The following SP4 variants were observed in gnomAD, a reference collection of about 807,000 sequenced individuals.
SP4 encodes the protein transcription factor Sp4.
In SP4, 19 loss-of-function variants were observed where a neutral mutation model predicts 72.8. The ratio of observed to expected loss-of-function variants is 0.26; its 90% CI spans 0.18 to 0.38. SP4 has a LOEUF of 0.38. Ranked by LOEUF, SP4 falls within the 10% of genes least tolerant of loss-of-function variation. The pLI, the probability that SP4 is intolerant of heterozygous loss-of-function variation, is 1.00. For synonymous variants in SP4, 395 were observed against 333.1 expected, an observed-to-expected ratio of 1.19 and a Z score of -2.02; for missense variants, 1,008 against 926.3, an observed-to-expected ratio of 1.09 and a Z score of -1.14.
At chr7:21,476,919 A>G (rs1784516326) in intron 3 of SP4, among the ~76,000 whole-genome samples, 160 bp from the exon 4 acceptor site, 1 of 152,192 alleles carries the variant, frequency 6.6e-6, no homozygotes, top group Admixed American at 6.5e-5. Context: ...AGAATACTAT[A>G]TTTTAGAAGG....
At chr7:21,494,809 A>G (rs1387447801) in intron 5 of SP4, among the ~76,000 whole-genome samples, 1 of 152,208 alleles carries the variant, frequency 6.6e-6, no homozygotes, top group Admixed American at 6.5e-5. Context: ...AGCAATTAGA[A>G]TAGCCAAAAC....
In SP4 at chr7:21,464,388, G is replaced by T. The variant is rs546406292; in HGVS notation, c.1679-12691G>T. ...TGGGATTACAGGCGTGAGCCACTGC[G>T]CCCGGCCAGTCAGGGCTCTCTTTCA... is the stretch of plus-strand genomic sequence containing the variant. On this transcript the variant is annotated intron_variant, in intron 3 of 5. Coordinates refer to ENST00000222584, the MANE Select transcript of SP4 (RefSeq NM_003112.5). 5.3e-5 allele frequency among the ~76,000 whole-genome samples: 8 copies of T among 151,954 alleles called. No homozygotes were observed. In the South Asian group the frequency reaches 1.2e-3, roughly 24 times the overall value.
At chr7:21,478,599 A>G (rs2128410126) in intron 4 of SP4, among the ~76,000 whole-genome samples, 1 of 152,252 alleles carries the variant, frequency 6.6e-6, no homozygotes, top group African/African-American at 2.4e-5. Context: ...TTTTGTTTTT[A>G]CTGATACTAA....
intron 3 of SP4, among the ~76,000 whole-genome samples, chr7:21,458,406 A>C (rs1233840457): frequency 6.6e-6 from 1 of 151,356 alleles, no homozygotes; most frequent in Non-Finnish European, 1.5e-5. Context: ...CTGGTCTTGA[A>C]CTCCTGACCT....
At position 21,477,325 on chromosome 7, in the gene SP4, C is replaced by T. The variant is rs1784531458; in HGVS notation, c.1907+18C>T. ...GAAGGAAGGTAAATGCTGTATTTTTCAACTGTGTCTATTTGGAAGGCATAA... is the reference window on the plus strand; with the variant it reads ...GAAGGAAGGTAAATGCTGTATTTTTTAACTGTGTCTATTTGGAAGGCATAA... On this transcript the variant is annotated intron_variant, in intron 4 of 5. Transcript: ENST00000222584. 2 of 1,542,422 alleles carry T rather than the reference C, an allele frequency of 1.3e-6. No individual in the cohort carries two copies. Among genetic ancestry groups the T allele is most frequent in the East Asian group, 2.2e-5 (1 of 44,470 alleles).
chr7:21,508,927 G>A (rs369244483), intron 5 of SP4, among the ~76,000 whole-genome samples: 2 of 151,562 alleles, frequency 1.3e-5, no homozygotes, highest in Admixed American at 1.3e-4. Flanking sequence ...TTAATGGATG[G>A]TGTTGCTTAT....
At chr7:21,470,675 T>G (rs757235132) in intron 3 of SP4, among the ~76,000 whole-genome samples, 3 of 151,562 alleles carry the variant, frequency 2.0e-5, no homozygotes, top group Non-Finnish European at 4.4e-5. Context: ...TGTTGAATAG[T>G]TAGCAATTCA....
intron 5 of SP4, among the ~76,000 whole-genome samples, chr7:21,487,227 C>G (rs1009045468): frequency 3.3e-5 from 5 of 152,094 alleles, no homozygotes; most frequent in African/African-American, 1.2e-4. Context: ...GTTTTTAACG[C>G]TAAGGGCGCC....
At chr7:21,489,507 GGT>G (rs1784913206) in intron 5 of SP4, among the ~76,000 whole-genome samples, 2 of 148,472 alleles carry the variant, frequency 1.3e-5, no homozygotes, top group South Asian at 4.3e-4. Context: ...TTTTTTTAAA[GGT>G]GGGTTTTTGC....
At chr7:21,470,474 C>T (rs1376741127) in intron 3 of SP4, among the ~76,000 whole-genome samples, 1 of 152,090 alleles carries the variant, frequency 6.6e-6, no homozygotes, top group African/African-American at 2.4e-5. Flanking sequence ...AGGCATAGGC[C>T]CCTGCCTCAC....
chr7:21,460,927 C>T (rs1783948855), intron 3 of SP4, among the ~76,000 whole-genome samples: 1 of 152,062 alleles, frequency 6.6e-6, no homozygotes, highest in African/African-American at 2.4e-5. Flanking sequence ...CTTAGCTAGA[C>T]ATAAAGATTC....
In SP4 at chr7:21,430,134, C is replaced by G; in HGVS notation, c.969C>G (p.Thr323=). The change falls in exon 3 of 6, where the codon ACC becomes ACG. Residue 323 remains threonine (T), a synonymous_variant. Coordinates refer to ENST00000222584, the MANE Select transcript of SP4 (RefSeq NM_003112.5). ...TMPESPSSST[T]CTTTASTSLT... ...CAGAATCTCCCTCCTCCTCCACTAC[C>G]TGCACAACCACTGCTTCAACGTCTT... 1.9e-6 allele frequency: 3 copies of G among 1,614,206 alleles called. No individual in the cohort carries two copies. Among genetic ancestry groups the G allele is most frequent in the Non-Finnish European group, 2.5e-6 (3 of 1,180,036 alleles).
At chr7:21,458,468 G>A (rs1562599729) in intron 3 of SP4, among the ~76,000 whole-genome samples, 1 of 152,156 alleles carries the variant, frequency 6.6e-6, no homozygotes, top group Non-Finnish European at 1.5e-5. Context: ...ACAGCCGTGA[G>A]CCACTGCGTC....
intron 5 of SP4, among the ~76,000 whole-genome samples, chr7:21,495,488 G>T (rs1235186444): frequency 1.3e-5 from 2 of 151,872 alleles, no homozygotes; most frequent in Non-Finnish European, 2.9e-5. Flanking sequence ...TGCATGAAAA[G>T]ATGTCTGATA....
intron 3 of SP4, among the ~76,000 whole-genome samples, chr7:21,437,792 T>A (rs1314439532): frequency 6.6e-6 from 1 of 152,198 alleles, no homozygotes. Flanking sequence ...AAAGCTTCTG[T>A]ACCTTGTGCT....
At chr7:21,503,551 T>C (rs1368626513) in intron 5 of SP4, among the ~76,000 whole-genome samples, 2 of 152,188 alleles carry the variant, frequency 1.3e-5, no homozygotes, top group African/African-American at 4.8e-5. Flanking sequence ...ACCCTTGAGG[T>C]AAAGTGGCTT....
chr7:21,498,793 A>T (rs1339708044), intron 5 of SP4, among the ~76,000 whole-genome samples: 1 of 152,172 alleles, frequency 6.6e-6, no homozygotes, highest in Non-Finnish European at 1.5e-5. Context: ...ACTAGAGAAA[A>T]GAAATCGTTA....
intron 3 of SP4, among the ~76,000 whole-genome samples, chr7:21,448,741 C>T (rs1783499506): frequency 6.6e-6 from 1 of 152,148 alleles, no homozygotes; most frequent in Admixed American, 6.5e-5. Context: ...TTTACCTTTA[C>T]TCTTTTCTTC....
chr7:21,441,335 A>G (rs1019779408), intron 3 of SP4, among the ~76,000 whole-genome samples: 1 of 152,202 alleles, frequency 6.6e-6, no homozygotes, highest in Non-Finnish European at 1.5e-5. Context: ...GAAGCTTTTA[A>G]CTAACACAGG....
Sources: gnomAD v4.1 joint callset for allele counts (sites outside exome capture counted in the v4.1 genomes callset) on GRCh38, gnomAD v4.1.1 for gene constraint, MANE v1.5 for transcripts, NCBI Gene and HGNC (gene_info 2026-07-23, HGNC 2026-07-21) for gene names.